The following KCNIP4 variants were observed in gnomAD, a reference collection of about 807,000 sequenced individuals.
KCNIP4 encodes potassium voltage-gated channel interacting protein 4, also known as Kv channel-interacting protein 4.
KCNIP4 carries 12 observed loss-of-function variants against 34.0 expected under a neutral mutation model. The ratio of observed to expected loss-of-function variants is 0.35; its 90% CI spans 0.23 to 0.57. The LOEUF (loss-of-function observed/expected upper bound fraction) is 0.57. KCNIP4 is among the 20% of genes least tolerant of loss of function. The probability of loss-of-function intolerance (pLI) is 0.83; values close to 1 mark genes in which losing one functional copy is unlikely to be tolerated. For missense variants in KCNIP4, 238 were observed against 311.7 expected (o/e 0.76, Z 1.78); for synonymous variants, 124 against 102.2 (o/e 1.21, Z -1.29).
Position 21,369,672 on chromosome 4 carries a change from C to A in KCNIP4, c.62-486963G>T, listed in dbSNP as rs538073364. Among the ~76,000 whole-genome samples, 16 of 147,258 alleles carry A rather than the reference C, an allele frequency of 1.1e-4. 2 individuals are homozygous for A. In the East Asian group the frequency reaches 3.2e-3, roughly 29 times the overall value. Reference sequence around the variant, plus strand: ...CAGATGCTGAGCTAAGTAGTTGTAGCACTTACTTACTATCTCATTTAATTC... The same window carrying A: ...CAGATGCTGAGCTAAGTAGTTGTAGAACTTACTTACTATCTCATTTAATTC... On this transcript the variant is annotated intron_variant, in intron 1 of 8. Coordinates refer to ENST00000382152, the MANE Select transcript of KCNIP4 (RefSeq NM_025221.6).
At chr4:21,854,583 G>C (rs1178353715) in intron 1 of KCNIP4, among the ~76,000 whole-genome samples, 1 of 152,044 alleles carries the variant, frequency 6.6e-6, no homozygotes, top group Non-Finnish European at 1.5e-5. Context: ...GTAAACCTCT[G>C]TCTACCAGAC....
chr4:21,673,673 T>C (rs1749668384), intron 1 of KCNIP4, among the ~76,000 whole-genome samples: 1 of 152,138 alleles, frequency 6.6e-6, no homozygotes, highest in Admixed American at 6.5e-5. Flanking sequence ...AAAGATGCAA[T>C]TATAACTTTG....
At chr4:20,944,031 C>A (rs10516373) in intron 1 of KCNIP4, among the ~76,000 whole-genome samples, 1 of 152,140 alleles carries the variant, frequency 6.6e-6, no homozygotes, top group African/African-American at 2.4e-5. Flanking sequence ...GTTGCTCTAC[C>A]TAAAACTCAG....
chr4:21,292,597 G>C (rs114587453), intron 1 of KCNIP4, among the ~76,000 whole-genome samples: 2 of 151,972 alleles, frequency 1.3e-5, no homozygotes, highest in African/African-American at 4.8e-5. Context: ...ACATTTGCTC[G>C]GTAAATTCAC....
At position 20,845,086 on chromosome 4, in the gene KCNIP4, C is replaced by T. The variant is rs552660683; in HGVS notation, c.288+5457G>A. Among the ~76,000 whole-genome samples the T allele has an allele frequency of 2.0e-5, 3 of 152,224 alleles. No individual in the cohort carries two copies. The South Asian group carries it at 6.2e-4, about 32-fold the overall frequency. ...GTGATGGATACAACCTATGTGACCC[C>T]CAGTGAGTCACACCTTTTTAAATCT... On this transcript the variant is annotated intron_variant, in intron 3 of 8. Coordinates refer to ENST00000382152, the MANE Select transcript of KCNIP4 (RefSeq NM_025221.6).
At chr4:21,798,372 C>T (rs749972689) in intron 1 of KCNIP4, among the ~76,000 whole-genome samples, 8 of 143,894 alleles carry the variant, frequency 5.6e-5, no homozygotes, top group Non-Finnish European at 1.2e-4. Flanking sequence ...GGCAACATGG[C>T]GGAACCCCGT....
chr4:21,757,119 GAAA>G (rs1275081432), intron 1 of KCNIP4, among the ~76,000 whole-genome samples: 9 of 17,812 alleles, frequency 5.1e-4, no homozygotes, highest in African/African-American at 3.1e-3. Flanking sequence ...AAGAAAGAAA[GAAA>G]GAAAGAAAGA....
At chr4:21,614,899 A>T (rs918021037) in intron 1 of KCNIP4, among the ~76,000 whole-genome samples, 1 of 152,092 alleles carries the variant, frequency 6.6e-6, no homozygotes, top group Non-Finnish European at 1.5e-5. Context: ...GCACACAACC[A>T]TTGGTTTTAC....
chr4:21,916,647 A>G (rs1043806821), intron 1 of KCNIP4, among the ~76,000 whole-genome samples: 1 of 152,176 alleles, frequency 6.6e-6, no homozygotes, highest in Non-Finnish European at 1.5e-5. Context: ...AAGAACCACC[A>G]CTTTCAGTAT....
intron 3 of KCNIP4, among the ~76,000 whole-genome samples, chr4:20,772,036 C>T (rs2149380438): frequency 6.6e-6 from 1 of 152,278 alleles, no homozygotes. Flanking sequence ...GTAGGAGATA[C>T]ATGTTCTCAT....
intron 1 of KCNIP4, among the ~76,000 whole-genome samples, chr4:21,591,253 C>A (rs16871502): frequency 0.066 from 10,013 of 151,808 alleles, 477 homozygotes; most frequent in African/African-American, 0.13. Context: ...AAACCTTCTG[C>A]CAGTATGAGG....
chr4:20,856,845 G>C (rs903026266), intron 2 of KCNIP4, among the ~76,000 whole-genome samples: 1 of 152,066 alleles, frequency 6.6e-6, no homozygotes, highest in African/African-American at 2.4e-5. Context: ...ACATAACCTT[G>C]TCTAGACCTA....
intron 1 of KCNIP4, among the ~76,000 whole-genome samples, chr4:21,273,502 C>T (rs534165004): frequency 6.6e-6 from 1 of 152,208 alleles, no homozygotes; most frequent in African/African-American, 2.4e-5. Flanking sequence ...GAAATGATGA[C>T]TAGTAAAGGA....
intron 1 of KCNIP4, among the ~76,000 whole-genome samples, chr4:21,381,737 C>A (rs1388992380): frequency 6.6e-6 from 1 of 152,136 alleles, no homozygotes; most frequent in Non-Finnish European, 1.5e-5. Flanking sequence ...GTCTTCTCAG[C>A]CATTTTGGAA....
chr4:21,423,969 G>A (rs551682426), intron 1 of KCNIP4, among the ~76,000 whole-genome samples: 84 of 139,304 alleles, frequency 6.0e-4, no homozygotes, highest in Non-Finnish European at 1.2e-3. Context: ...CACCATGCCC[G>A]GCCAATTTTT....
intron 1 of KCNIP4, among the ~76,000 whole-genome samples, chr4:21,833,732 G>A (rs968223268): frequency 8.6e-5 from 13 of 151,892 alleles, no homozygotes; most frequent in African/African-American, 1.4e-4. Flanking sequence ...TAGATCTAAA[G>A]TTTAAGTCTT....
intron 1 of KCNIP4, among the ~76,000 whole-genome samples, chr4:21,946,830 A>G (rs1730537220): frequency 6.6e-6 from 1 of 152,216 alleles, no homozygotes; most frequent in South Asian, 2.1e-4. Flanking sequence ...CAGTGAACAC[A>G]TGCTGATTCT....
chr4:20,924,765 C>T (rs995741881), intron 1 of KCNIP4, among the ~76,000 whole-genome samples: 3 of 152,170 alleles, frequency 2.0e-5, no homozygotes, highest in Non-Finnish European at 4.4e-5. Context: ...TAAATTAATA[C>T]ATGCATTCAT....
intron 1 of KCNIP4, among the ~76,000 whole-genome samples, chr4:21,289,054 C>T (rs911848325): frequency 2.6e-5 from 4 of 152,134 alleles, no homozygotes; most frequent in African/African-American, 9.7e-5. Flanking sequence ...GAATTCAACA[C>T]AGTGTGCTTT....
Sources: allele counts gnomAD v4.1 joint callset (sites outside exome capture counted in the v4.1 genomes callset), GRCh38; gene constraint gnomAD v4.1.1; transcripts MANE v1.5; gene names NCBI Gene and HGNC (gene_info 2026-07-23, HGNC 2026-07-21).